The following ALG9 variants were observed in gnomAD, a reference collection of about 807,000 sequenced individuals.
ALG9 encodes ALG9 alpha-1,2-mannosyltransferase, also known as alpha-1,2-mannosyltransferase ALG9.
A neutral mutation model predicts 81.8 loss-of-function variants in ALG9; 55 were observed. That is an observed-to-expected ratio of 0.67 (90% CI 0.54 to 0.84). The LOEUF is 0.84. ALG9 is among the 40% of genes least tolerant of loss of function. ALG9 has a pLI of 0.00. For synonymous variants in ALG9, 278 were observed against 274.3 expected, an observed-to-expected ratio of 1.01 and a Z score of -0.13; for missense variants, 629 against 745.0, an observed-to-expected ratio of 0.84 and a Z score of 1.81.
chr11:111,796,827 A>G (rs967760789), intron 14 of ALG9, among the ~76,000 whole-genome samples: 1 of 152,308 alleles, frequency 6.6e-6, no homozygotes, highest in Non-Finnish European at 1.5e-5. Context: ...ATTGACATAC[A>G]GGGAAAAAAC....
At chr11:111,862,239 C>CTTTTTTTTTT (rs782528613) in intron 4 of ALG9, among the ~76,000 whole-genome samples, 1 of 131,378 alleles carries the variant, frequency 7.6e-6, no homozygotes, top group Non-Finnish European at 1.6e-5. Context: ...TCTTTTTTTT[C>CTTTTTTTTTT]TTTTTTTTTT....
At chr11:111,778,856 C>T (rs1208536885), downstream of ALG9, among the ~76,000 whole-genome samples, 3 of 151,112 alleles carry the variant, frequency 2.0e-5, no homozygotes, top group South Asian at 2.1e-4. Context: ...CTCTTGTTGC[C>T]CAGGCTGGAG....
At chr11:111,806,793 A>G (rs1949997932) in intron 14 of ALG9, among the ~76,000 whole-genome samples, 1 of 152,200 alleles carries the variant, frequency 6.6e-6, no homozygotes, top group South Asian at 2.1e-4. Context: ...GCAACTGAAC[A>G]GTTAAGTTTG....
intron 4 of ALG9, chr11:111,864,225 C>A (rs1447563648): frequency 1.6e-5 from 12 of 757,970 alleles, no homozygotes; most frequent in Admixed American, 1.9e-5. Context: ...CCCACCAACC[C>A]ACGAACTGGC....
intron 5 of ALG9, among the ~76,000 whole-genome samples, 156 bp downstream of exon 5, chr11:111,860,391 G>A (rs781973725): frequency 1.3e-5 from 2 of 152,224 alleles, no homozygotes; most frequent in African/African-American, 4.8e-5. Flanking sequence ...ACAGTGCTCT[G>A]CAAATTATTG....
At chr11:111,768,133 GAGA>G in the ALG9 span, among the ~76,000 whole-genome samples, 41 of 152,294 alleles carry the variant, frequency 2.7e-4, no homozygotes, top group Middle Eastern at 3.4e-3. Flanking sequence ...AATGCATCAT[GAGA>G]TTGCACTATT....
At chr11:111,814,361 G>A (rs547866936) in intron 13 of ALG9, among the ~76,000 whole-genome samples, 2 of 152,242 alleles carry the variant, frequency 1.3e-5, no homozygotes, top group East Asian at 3.9e-4. Context: ...ATTACCACAG[G>A]AGTCAGGAGA....
chr11:111,806,334 C>T (rs1233463156), intron 14 of ALG9, among the ~76,000 whole-genome samples: 3 of 152,140 alleles, frequency 2.0e-5, no homozygotes, highest in Admixed American at 2.0e-4. Flanking sequence ...CCTTTCTAAT[C>T]AATCTCCAGT....
intron 8 of ALG9, 97 bp downstream of exon 8, chr11:111,853,283 G>T: frequency 2.4e-6 from 2 of 831,550 alleles, no homozygotes; most frequent in Non-Finnish European, 4.1e-6. Context: ...GCCAAGAAAT[G>T]CTACATCTAA....
chr11:111,809,844 C>T, intron 13 of ALG9, 71 bp from the exon 14 acceptor site: 1 of 1,563,498 alleles, frequency 6.4e-7, no homozygotes, highest in East Asian at 2.3e-5. Flanking sequence ...ACAGCAATTG[C>T]AATCCTAAAA....
chr11:111,866,667 T>C (rs1962574960), intron 3 of ALG9, among the ~76,000 whole-genome samples: 2 of 151,616 alleles, frequency 1.3e-5, no homozygotes, highest in South Asian at 2.1e-4. Context: ...AAGAATTCTG[T>C]GTTGAACATG....
At chr11:111,863,523 C>T (rs1460000454) in intron 4 of ALG9, among the ~76,000 whole-genome samples, 2 of 152,166 alleles carry the variant, frequency 1.3e-5, no homozygotes, top group African/African-American at 2.4e-5. Flanking sequence ...ACTCCACTCA[C>T]AGTCAAGGCC....
At chr11:111,789,256 T>C (rs1555068125) in intron 14 of ALG9, among the ~76,000 whole-genome samples, 1 of 151,994 alleles carries the variant, frequency 6.6e-6, no homozygotes, top group Non-Finnish European at 1.5e-5. Context: ...TACTTATTTT[T>C]ATTTATTTAT....
intron 7 of ALG9, 71 bp from the exon 8 acceptor site, chr11:111,853,556 G>GA (rs1399755381): frequency 2.5e-6 from 4 of 1,569,126 alleles, no homozygotes; most frequent in East Asian, 4.5e-5. Flanking sequence ...ACCTGAGAAT[G>GA]AAAAACAGAA....
Position 111,809,769 on chromosome 11 carries a change from T to C in ALG9, c.1607A>G (p.Asp536Gly). The change falls in exon 14 of 15, where the codon GAT becomes GGT. Residue 536 changes from aspartate to glycine, a missense_variant. Physicochemically the swap from Asp to Gly is moderately conservative, Grantham distance 94. This residue lies in a region of ALG9 where 264 missense variants were observed against 302.2 expected (regional missense o/e 0.87). Transcript: ENST00000616540. ...QNLEEPSRYI[D>G]ISKCHYLVDL... ...CACTAAATAATGGCATTTACTGATATCAATCTGAAATGGAGAAAGGCCAAC... is the reference window on the plus strand; with the variant it reads ...CACTAAATAATGGCATTTACTGATACCAATCTGAAATGGAGAAAGGCCAAC... The C allele has an allele frequency of 1.9e-6, 3 of 1,613,986 alleles. No individual in the cohort carries two copies. The highest frequency in any genetic ancestry group is 2.5e-6 in the Non-Finnish European group (3 of 1,179,900).
Position 111,785,707 on chromosome 11 carries a change from A to G in ALG9, c.*690T>C. ...CTGAACAAAAAAGCAATACAACCTT[A>G]TAGTTACAGTTGGTTGTAAAGGAAA... On this transcript the variant is annotated 3_prime_UTR_variant, in exon 15 of 15. Transcript: ENST00000616540. The G allele has an allele frequency of 4.4e-6, 1 of 227,398 alleles. No homozygotes were observed. The highest frequency in any genetic ancestry group is 8.9e-6 in the Non-Finnish European group (1 of 112,856). The allele number at this position is 227,398 out of a possible 1,614,324, so 14.1% of individuals were successfully genotyped here.
At chr11:111,786,669 T>A in intron 14 of ALG9, 149 bp from the exon 15 acceptor site, 1 of 986,696 alleles carries the variant, frequency 1.0e-6, no homozygotes, top group East Asian at 2.8e-5. Context: ...CGGTACTAGA[T>A]CACGATAAAA....
chr11:111,870,401 A>G, intron 1 of ALG9, 31 bp from the exon 2 acceptor site: 1 of 1,516,000 alleles, frequency 6.6e-7, no homozygotes, highest in Non-Finnish European at 8.8e-7. Flanking sequence ...AAAAAAAAAA[A>G]AAAGCATGTC....
rs149960277 is a variant in ALG9, at chr11:111,844,992, C to T, written c.896-269G>A. Among the ~76,000 whole-genome samples the T allele has an allele frequency of 3.4e-3, 511 of 152,308 alleles. 5 individuals carry two copies. Among genetic ancestry groups the T allele is most frequent in the African/African-American group, 0.011 (464 of 41,564 alleles). The stretch of plus-strand genomic sequence containing the variant: ...TCTATACTGACCACTATATCTAGCC[C>T]AAATTGCTATGCCCCAATGGAACTA... On this transcript the variant is annotated intron_variant, in intron 8 of 14. Transcript: ENST00000616540.
Sources: allele counts gnomAD v4.1 joint callset (sites outside exome capture counted in the v4.1 genomes callset), GRCh38; gene constraint gnomAD v4.1.1; regional missense constraint gnomAD v4.1.1; transcripts MANE v1.5; gene names NCBI Gene and HGNC (gene_info 2026-07-23, HGNC 2026-07-21).